REST: variants seen among roughly 807,000 people sequenced by gnomAD.
REST encodes the protein RE1-silencing transcription factor.
REST carries 1 observed loss-of-function variant against 30.4 expected under a neutral mutation model. The observed-to-expected ratio is 0.03, with a 90% CI of 0.01 to 0.16. REST has a LOEUF of 0.16. REST is among the 10% of genes least tolerant of loss of function. The pLI is 1.00. For synonymous variants in REST, 504 were observed against 451.1 expected (o/e 1.12, Z -1.49); for missense variants, 1,259 against 1,329.5 (o/e 0.95, Z 0.82).
At position 56,934,869 on chromosome 4, in the gene REST, A is replaced by G. The variant is rs1468478315; in HGVS notation, c.*2717A>G. The G allele has an allele frequency of 2.0e-5, 3 of 152,184 alleles. No homozygotes were observed. In the East Asian group the frequency reaches 5.8e-4, roughly 29 times the overall value. 9.4% of individuals were successfully genotyped at this position (152,184 alleles called of 1,614,324 possible). A position where few individuals can be genotyped will look rare whatever the true frequency, so the allele number is the denominator to read the frequency against. ...CTTAATCTTAGGTAGTCTTATGAAA[A>G]TGAATCTCTTAACTATCTTTTGAAC... On this transcript the variant is annotated 3_prime_UTR_variant, in exon 4 of 4. Coordinates refer to ENST00000309042, the MANE Select transcript of REST (RefSeq NM_005612.5).
intron 3 of REST, chr4:56,927,623 G>A (rs980597239): frequency 1.7e-6 from 2 of 1,202,440 alleles, no homozygotes; most frequent in Non-Finnish European, 2.1e-6. Context: ...AGTGGGGTAT[G>A]GATACCATTT....
At chr4:56,912,962 TTTTAA>T (rs1720002711) in intron 2 of REST, among the ~76,000 whole-genome samples, 1 of 145,216 alleles carries the variant, frequency 6.9e-6, no homozygotes, top group Admixed American at 6.9e-5. Context: ...TTTTTTTTTT[TTTTAA>T]TTTCTTTTTG....
At position 56,932,070 on chromosome 4, in the gene REST, A is replaced by G. The variant is rs1464637092; in HGVS notation, c.3212A>G (p.Lys1071Arg). Residue 1071 changes from lysine (K) to arginine (R), a missense_variant, in exon 4 of 4, where the codon AAG becomes AGG. Physicochemically the swap from Lys to Arg is conservative, Grantham distance 26 (BLOSUM62 2). Transcript: ENST00000309042. ...VCIFCDRSFR[K>R]GKDYSKHLNR... ...ATCTTCTGTGATCGTTCTTTCAGAA[A>G]GGGAAAAGATTACAGCAAACACCTC... 1.2e-6 allele frequency: 2 copies of G among 1,614,268 alleles called. No homozygotes were observed. The highest frequency in any genetic ancestry group is 1.7e-6 in the Non-Finnish European group (2 of 1,180,044).
chr4:56,921,010 C>T (rs912522347), intron 3 of REST, among the ~76,000 whole-genome samples: 22 of 151,942 alleles, frequency 1.4e-4, no homozygotes, highest in African/African-American at 4.1e-4. Context: ...GGATTACAGG[C>T]GCGCACCACC....
Position 56,910,999 on chromosome 4 carries a change from C to T in REST, c.361C>T (p.Pro121Ser). ...AAGTTTGGAACTCAGCGTCGTAGAA[C>T]CTCAGCCTGTATTTGAGGCATCAGG... ...LRSLELSVVEPQPVFEASGAP... is the reference protein window; with the variant it reads ...LRSLELSVVESQPVFEASGAP... Residue 121 changes from proline (P) to serine (S), a missense_variant, in exon 2 of 4, where the codon CCT becomes TCT. Pro to Ser is a moderately conservative substitution (Grantham distance 74). Transcript: ENST00000309042. The T allele has an allele frequency of 1.9e-6, 3 of 1,614,176 alleles. No individual in the cohort carries two copies. Among genetic ancestry groups the T allele is most frequent in the Non-Finnish European group, 2.5e-6 (3 of 1,180,032 alleles).
chr4:56,915,504 T>C (rs1036598716), intron 2 of REST, among the ~76,000 whole-genome samples: 1 of 151,884 alleles, frequency 6.6e-6, no homozygotes, highest in African/African-American at 2.4e-5. Context: ...GACCTCGGCC[T>C]CTCAAGGTGC....
chr4:56,932,430 T>G lies in REST; in HGVS notation c.*278T>G. The G allele has an allele frequency of 3.6e-6, 1 of 279,984 alleles. No homozygotes were observed. Among genetic ancestry groups the G allele is most frequent in the South Asian group, 1.2e-4 (1 of 8,424 alleles). 17.3% of individuals were successfully genotyped at this position (279,984 alleles called of 1,614,324 possible). A position where few individuals can be genotyped will look rare whatever the true frequency, so the allele number is the denominator to read the frequency against. ...ATGGTATAACAGCATTTTATTGCTT[T>G]GTCCAGCTACAACTTGTCATTTTTT... is the stretch of plus-strand genomic sequence containing the variant. On this transcript the variant is annotated 3_prime_UTR_variant, in exon 4 of 4. Transcript: ENST00000309042.
Position 56,932,337 on chromosome 4 carries a change from C to CT in REST, c.*186dup. ...GATTGTTGTGTAAATTTTAGTAAAT[C>CT]TAAGAGAGTGTACTAAACCAGCAGG... On this transcript the variant is annotated 3_prime_UTR_variant, in exon 4 of 4. Transcript: ENST00000309042. The CT allele has an allele frequency of 3.2e-6, 2 of 625,840 alleles. No homozygotes were observed. Among genetic ancestry groups the CT allele is most frequent in the South Asian group, 4.6e-5 (2 of 43,880 alleles). The allele number at this position is 625,840 out of a possible 1,614,324, so 38.8% of individuals were successfully genotyped here.
chr4:56,924,971 G>T (rs1281855046), intron 3 of REST, among the ~76,000 whole-genome samples: 3 of 152,068 alleles, frequency 2.0e-5, no homozygotes, highest in Non-Finnish European at 4.4e-5. Context: ...TTCAAGACCA[G>T]GCTGGCCAAC....
intron 2 of REST, among the ~76,000 whole-genome samples, chr4:56,916,520 C>G (rs888373410): frequency 3.3e-5 from 5 of 151,990 alleles, no homozygotes; most frequent in African/African-American, 1.2e-4. Flanking sequence ...GCCTGTAGTC[C>G]CAGCTTCTCG....
At chr4:56,924,614 T>C (rs887253757) in intron 3 of REST, among the ~76,000 whole-genome samples, 2 of 136,968 alleles carry the variant, frequency 1.5e-5, no homozygotes, top group Admixed American at 1.6e-4. Context: ...TGCGCTACCA[T>C]GCCTGTTTTT....
intron 3 of REST, among the ~76,000 whole-genome samples, chr4:56,928,360 G>T (rs1257448438): frequency 6.6e-6 from 1 of 152,044 alleles, no homozygotes; most frequent in Non-Finnish European, 1.5e-5. Context: ...CACTGCCTTC[G>T]CCTCCCAAAG....
At chr4:56,915,562 A>G (rs1384664515) in intron 2 of REST, among the ~76,000 whole-genome samples, 3 of 152,130 alleles carry the variant, frequency 2.0e-5, no homozygotes, top group Non-Finnish European at 4.4e-5. Context: ...TTACATTTTA[A>G]AACAATTTGG....
At chr4:56,927,585 G>T (rs1105434) in intron 3 of REST, 2 of 958,060 alleles carry the variant, frequency 2.1e-6, no homozygotes, top group South Asian at 2.4e-5. Flanking sequence ...GTCAATTTCC[G>T]TTTTTCTACT....
At chr4:56,913,231 C>T (rs1393145093) in intron 2 of REST, among the ~76,000 whole-genome samples, 2 of 152,124 alleles carry the variant, frequency 1.3e-5, no homozygotes, top group African/African-American at 4.8e-5. Flanking sequence ...GTGATCACAG[C>T]TCACCACAGC....
At position 56,911,288 on chromosome 4, in the gene REST, G is replaced by A. The variant is rs763808902; in HGVS notation, c.650G>A (p.Arg217His). Reference protein sequence around the residue: ...EEGDFSKGPIRCDRCGYNTNR... With the variant: ...EEGDFSKGPIHCDRCGYNTNR... ...GGAGATTTCTCCAAGGGCCCCATTC[G>A]CTGTGACCGCTGCGGCTACAATACT... The change falls in exon 2 of 4, where the codon CGC becomes CAC. Residue 217 changes from arginine (R) to histidine (H), a missense_variant. By Grantham distance (29) the Arg-to-His change is conservative. Around this residue, in one of 5 missense-constraint regions of REST, gnomAD observed 125 missense variants for 255.4 expected, o/e 0.49. Coordinates refer to ENST00000309042, the MANE Select transcript of REST (RefSeq NM_005612.5). The A allele has an allele frequency of 1.2e-6, 2 of 1,614,122 alleles. No individual in the cohort carries two copies. Among genetic ancestry groups the A allele is most frequent in the Non-Finnish European group, 1.7e-6 (2 of 1,180,032 alleles).
intron 3 of REST, among the ~76,000 whole-genome samples, chr4:56,927,011 G>T (rs770570710): frequency 1.3e-5 from 2 of 151,814 alleles, no homozygotes; most frequent in East Asian, 1.9e-4. Context: ...CAGGAGAATC[G>T]CTTGAACCTG....
Position 56,931,505 on chromosome 4 carries a change from C to A in REST, c.2647C>A (p.Leu883Ile), listed in dbSNP as rs1482052234. 8 of 1,614,182 alleles carry A rather than the reference C, an allele frequency of 5.0e-6. No homozygotes were observed. Among genetic ancestry groups the A allele is most frequent in the Non-Finnish European group, 6.8e-6 (8 of 1,180,048 alleles). ...AGAGGCATCAGGAGACCAAAAATTA[C>A]TCAACACAGGTGAAGGAAATAAAGA... ...REEASGDQKL[L>I]NTGEGNKEAP... The change falls in exon 4 of 4, where the codon CTC becomes ATC. Residue 883 changes from leucine (L) to isoleucine (I), a missense_variant. Physicochemically the swap from Leu to Ile is conservative, Grantham distance 5. This residue lies in a region of REST where 856 missense variants were observed against 772.8 expected (regional missense o/e 1.11). Transcript: ENST00000309042.
Position 56,933,213 on chromosome 4 carries a change from T to C in REST, c.*1061T>C, listed in dbSNP as rs999843369. On this transcript the variant is annotated 3_prime_UTR_variant, in exon 4 of 4. Transcript: ENST00000309042. Reference sequence around the variant, plus strand: ...AAATACCAACCATCAGTTTTTTTTTTCATGTGTTTTGGTACAGCTAATTCC... The same window carrying C: ...AAATACCAACCATCAGTTTTTTTTTCCATGTGTTTTGGTACAGCTAATTCC... 3.3e-5 allele frequency: 5 copies of C among 152,208 alleles called. No individual in the cohort carries two copies. Among genetic ancestry groups the C allele is most frequent in the African/African-American group, 9.6e-5 (4 of 41,452 alleles). 9.4% of individuals were successfully genotyped at this position (152,208 alleles called of 1,614,324 possible). A position where few individuals can be genotyped will look rare whatever the true frequency, so the allele number is the denominator to read the frequency against.
Sources: gnomAD v4.1 joint callset for allele counts (sites outside exome capture counted in the v4.1 genomes callset) on GRCh38, gnomAD v4.1.1 for gene constraint, gnomAD v4.1.1 regional missense constraint, MANE v1.5 for transcripts, NCBI Gene and HGNC (gene_info 2026-07-23, HGNC 2026-07-21) for gene names.